ABLIM3: variants seen among roughly 807,000 people sequenced by gnomAD.
The protein encoded by ABLIM3 is actin binding LIM protein family member 3.
ABLIM3 carries 61 observed loss-of-function variants against 109.5 expected under a neutral mutation model. The observed-to-expected ratio is 0.56, with a 90% CI of 0.45 to 0.69. The LOEUF is 0.69. Ranked by LOEUF, ABLIM3 falls within the 30% of genes least tolerant of loss-of-function variation. ABLIM3 has a pLI of 0.00. For missense variants in ABLIM3, 796 were observed against 889.5 expected, an observed-to-expected ratio of 0.89 and a Z score of 1.34; for synonymous variants, 300 against 324.8, an observed-to-expected ratio of 0.92 and a Z score of 0.82.
In ABLIM3 at chr5:149,258,988, G is replaced by T; in HGVS notation, c.*584G>T. 3.0e-6 allele frequency: 3 copies of T among 996,878 alleles called. No individual in the cohort carries two copies. Among genetic ancestry groups the T allele is most frequent in the Non-Finnish European group, 3.6e-6 (3 of 836,808 alleles). 61.8% of individuals were successfully genotyped at this position (996,878 alleles called of 1,614,324 possible). ...ACACCAGTCAACAGAAGTGGACAGG[G>T]CCTAGGCCTCTCCTCAGCTCCTTAA... On this transcript the variant is annotated 3_prime_UTR_variant, in exon 24 of 24. Coordinates refer to ENST00000309868, the MANE Select transcript of ABLIM3 (RefSeq NM_014945.5).
At position 149,249,014 on chromosome 5, in the gene ABLIM3, C is replaced by G. The variant is rs80101754; in HGVS notation, c.1700-801C>G. Reference sequence around the variant, plus strand: ...GCACCATTTATTACACTTCTATGTGCCAGGCATTTGTAGGAATGTTACACT... The same window carrying G: ...GCACCATTTATTACACTTCTATGTGGCAGGCATTTGTAGGAATGTTACACT... On this transcript the variant is annotated intron_variant, in intron 18 of 23. Coordinates refer to ENST00000309868, the MANE Select transcript of ABLIM3 (RefSeq NM_014945.5). 3.4e-3 allele frequency among the ~76,000 whole-genome samples: 511 copies of G among 152,220 alleles called. 5 individuals carry two copies. The highest frequency in any genetic ancestry group is 0.012 in the African/African-American group (492 of 41,526).
At chr5:149,244,674 G>C (rs1412362134) in intron 15 of ABLIM3, 1 of 608,338 alleles carries the variant, frequency 1.6e-6, no homozygotes, top group African/African-American at 1.8e-5. Context: ...TCCCCTCTCT[G>C]GTGCTCCAAT....
intron 8 of ABLIM3, chr5:149,220,261 C>T (rs776077832): frequency 2.0e-5 from 3 of 152,208 alleles, no homozygotes; most frequent in African/African-American, 7.2e-5. Flanking sequence ...TTTCATTCTT[C>T]CAACTTCCCA....
Position 149,258,957 on chromosome 5 carries a change from G to C in ABLIM3, c.*553G>C. On this transcript the variant is annotated 3_prime_UTR_variant, in exon 24 of 24. Transcript: ENST00000309868. Reference sequence around the variant, plus strand: ...GTTAAAAGGGTGAGCCTCAAATCTAGTCATTACACCAGTCAACAGAAGTGG... The same window carrying C: ...GTTAAAAGGGTGAGCCTCAAATCTACTCATTACACCAGTCAACAGAAGTGG... 1.0e-6 allele frequency: 1 copy of C among 990,500 alleles called. No individual in the cohort carries two copies. The highest frequency in any genetic ancestry group is 1.2e-6 in the Non-Finnish European group (1 of 833,230). 61.4% of individuals were successfully genotyped at this position (990,500 alleles called of 1,614,324 possible). A position where few individuals can be genotyped will look rare whatever the true frequency, so the allele number is the denominator to read the frequency against.
intron 17 of ABLIM3, 177 bp from the exon 18 acceptor site, chr5:149,247,605 G>A: frequency 1.1e-6 from 1 of 871,378 alleles, no homozygotes; most frequent in Non-Finnish European, 1.9e-6. Flanking sequence ...ACTTGTGGAA[G>A]ACAAGATGAG....
At chr5:149,148,701 T>C (rs913936764) in intron 2 of ABLIM3, among the ~76,000 whole-genome samples, 6 of 152,230 alleles carry the variant, frequency 3.9e-5, no homozygotes, top group Non-Finnish European at 8.8e-5. Flanking sequence ...AGGCCCGATG[T>C]GGCCTGCTCC....
intron 4 of ABLIM3, 56 bp from the exon 5 acceptor site, chr5:149,200,260 G>C (rs960300254): frequency 9.4e-6 from 14 of 1,492,954 alleles, no homozygotes; most frequent in Admixed American, 8.4e-5. Flanking sequence ...TGTGTGGTCA[G>C]CTACAGAATC....
At chr5:149,187,991 G>C (rs116781299) in intron 3 of ABLIM3, among the ~76,000 whole-genome samples, 7,595 of 152,166 alleles carry the variant, frequency 0.05, 568 homozygotes, top group African/African-American at 0.17. Flanking sequence ...AGGGCGCACC[G>C]TTCTATAGTA....
intron 4 of ABLIM3, chr5:149,199,065 C>G (rs930095019): frequency 4.4e-6 from 2 of 456,584 alleles, no homozygotes; most frequent in African/African-American, 4.0e-5. Context: ...GGATGGAGAG[C>G]TCATCCCTGC....
intron 16 of ABLIM3, among the ~76,000 whole-genome samples, chr5:149,246,193 G>A (rs1011372838): frequency 2.0e-5 from 3 of 152,024 alleles, no homozygotes; most frequent in South Asian, 2.1e-4. Flanking sequence ...AGGATGACTC[G>A]TTCGCTACTC....
chr5:149,258,705 A>G lies in ABLIM3; in HGVS notation c.*301A>G. ...CCCCAAGGTCCAACTCTCTTTCCTA[A>G]AGAAGGTGCCTGAAGAAGTCTCTCT... On this transcript the variant is annotated 3_prime_UTR_variant, in exon 24 of 24. Transcript: ENST00000309868. 1 of 1,041,888 alleles carries G rather than the reference A, an allele frequency of 9.6e-7. No individual in the cohort carries two copies. Among genetic ancestry groups the G allele is most frequent in the Non-Finnish European group, 1.2e-6 (1 of 867,514 alleles). The allele number at this position is 1,041,888 out of a possible 1,614,324, so 64.5% of individuals were successfully genotyped here. A position where few individuals can be genotyped will look rare whatever the true frequency, so the allele number is the denominator to read the frequency against.
At position 149,259,442 on chromosome 5, in the gene ABLIM3, G is replaced by T; in HGVS notation, c.*1038G>T. ...GAGAGAAAATAGGCCGTGTCTCAAA[G>T]AAAGGTTCTTGGTCTATGCCTCTGG... On this transcript the variant is annotated 3_prime_UTR_variant, in exon 24 of 24. Transcript: ENST00000309868. 2.0e-6 allele frequency: 3 copies of T among 1,525,232 alleles called. No individual in the cohort carries two copies. The South Asian group carries it at 3.6e-5, about 18-fold the overall frequency. The allele number at this position is 1,525,232 out of a possible 1,614,324, so 94.5% of individuals were successfully genotyped here.
chr5:149,157,824 C>T (rs1753985289), intron 2 of ABLIM3, among the ~76,000 whole-genome samples: 1 of 152,174 alleles, frequency 6.6e-6, no homozygotes, highest in South Asian at 2.1e-4. Flanking sequence ...TACCTGAAGG[C>T]AGAGCCACCT....
intron 5 of ABLIM3, among the ~76,000 whole-genome samples, chr5:149,204,604 G>A (rs1191972280): frequency 6.6e-6 from 1 of 152,216 alleles, no homozygotes; most frequent in Non-Finnish European, 1.5e-5. Flanking sequence ...TGCACAGAAT[G>A]TGGGTTAAAA....
chr5:149,209,452 G>T (rs553275125), intron 6 of ABLIM3, among the ~76,000 whole-genome samples: 123 of 152,302 alleles, frequency 8.1e-4, no homozygotes, highest in Non-Finnish European at 1.5e-3. Context: ...GAGAGAAGAT[G>T]ATCTACCTGT....
chr5:149,191,118 G>A (rs78783536), intron 3 of ABLIM3, among the ~76,000 whole-genome samples: 7,598 of 152,070 alleles, frequency 0.05, 578 homozygotes, highest in African/African-American at 0.17. Flanking sequence ...AAGAAAAAAC[G>A]CACAGTGGAC....
chr5:149,153,848 A>C (rs1753649189), intron 2 of ABLIM3, among the ~76,000 whole-genome samples: 1 of 152,218 alleles, frequency 6.6e-6, no homozygotes, highest in Non-Finnish European at 1.5e-5. Context: ...CAAGGAGAAC[A>C]TACAGGCTCC....
At chr5:149,227,753 G>A (rs530063263) in intron 8 of ABLIM3, among the ~76,000 whole-genome samples, 13 of 152,288 alleles carry the variant, frequency 8.5e-5, no homozygotes, top group Non-Finnish European at 1.3e-4. Flanking sequence ...TGGAGTTGTG[G>A]CTGTCTAATC....
intron 8 of ABLIM3, among the ~76,000 whole-genome samples, chr5:149,223,577 A>C (rs1163357919): frequency 6.6e-6 from 1 of 152,144 alleles, no homozygotes; most frequent in Non-Finnish European, 1.5e-5. Context: ...CGTGAGCACC[A>C]TCAGGTGGTT....
Sources: gnomAD v4.1 joint callset for allele counts (sites outside exome capture counted in the v4.1 genomes callset) on GRCh38, gnomAD v4.1.1 for gene constraint, MANE v1.5 for transcripts, NCBI Gene and HGNC (gene_info 2026-07-23, HGNC 2026-07-21) for gene names.